The following RABGAP1L variants were observed in gnomAD, a reference collection of about 807,000 sequenced individuals.
RABGAP1L encodes the protein RAB GTPase activating protein 1 like.
Under a neutral mutation model 137.7 loss-of-function variants are expected in RABGAP1L, and 63 were observed. That is an observed-to-expected ratio of 0.46 (90% CI 0.37 to 0.56). The LOEUF is 0.56. RABGAP1L is among the 20% of genes least tolerant of loss of function. The pLI is 0.00. For missense variants in RABGAP1L, 1,095 were observed against 1,244.0 expected, an observed-to-expected ratio of 0.88 and a Z score of 1.80; for synonymous variants, 431 against 433.7, an observed-to-expected ratio of 0.99 and a Z score of 0.08.
chr1:174,574,591 G>A (rs1236350677), intron 13 of RABGAP1L, among the ~76,000 whole-genome samples: 1 of 152,098 alleles, frequency 6.6e-6, no homozygotes, highest in African/African-American at 2.4e-5. Flanking sequence ...AATTGTACAA[G>A]TTTTGTTTTT....
chr1:174,749,071 G>A (rs1284088832), intron 17 of RABGAP1L, among the ~76,000 whole-genome samples: 1 of 151,778 alleles, frequency 6.6e-6, no homozygotes, highest in East Asian at 2.0e-4. Context: ...AGCTACATGG[G>A]AGGCTGAGGC....
rs1558302016 is a variant in RABGAP1L at position 174,978,796 on chromosome 1, A to G, written c.2650-11A>G. 10 of 1,526,670 alleles carry G rather than the reference A, an allele frequency of 6.6e-6. No individual in the cohort carries two copies. Among genetic ancestry groups the G allele is most frequent in the Non-Finnish European group, 7.9e-6 (9 of 1,140,482 alleles). 94.6% of individuals were successfully genotyped at this position (1,526,670 alleles called of 1,614,324 possible). A position where few individuals can be genotyped will look rare whatever the true frequency, so the allele number is the denominator to read the frequency against. The stretch of plus-strand genomic sequence containing the variant: ...GCTAAATCCTGATATTTCTCATTCT[A>G]TTCTTTCTAGCTAAAAGAAGTCTTC... On this transcript the variant is annotated splice_polypyrimidine_tract_variant and intron_variant, in intron 22 of 25. Transcript: ENST00000681986.
At chr1:174,231,064 T>C (rs1670606128) in intron 3 of RABGAP1L, 81 bp from the exon 4 acceptor site, 4 of 998,864 alleles carry the variant, frequency 4.0e-6, no homozygotes, top group Non-Finnish European at 5.9e-6. Flanking sequence ...AATATTTCAT[T>C]TCTTTTTGGG....
chr1:174,529,669 GC>G (rs773844528), intron 13 of RABGAP1L, among the ~76,000 whole-genome samples: 6 of 152,116 alleles, frequency 3.9e-5, no homozygotes, highest in Non-Finnish European at 8.8e-5. Flanking sequence ...CAGCAAGTGG[GC>G]AGGTTCTTAG....
chr1:174,373,677 G>A (rs1329406477), intron 12 of RABGAP1L, among the ~76,000 whole-genome samples: 3 of 152,314 alleles, frequency 2.0e-5, no homozygotes, highest in Admixed American at 1.3e-4. Context: ...AGCCTGGCTA[G>A]TATTAGTATT....
At chr1:174,208,098 G>A (rs1004048500) in intron 1 of RABGAP1L, among the ~76,000 whole-genome samples, 48 of 152,008 alleles carry the variant, frequency 3.2e-4, no homozygotes, top group Non-Finnish European at 8.8e-5. Context: ...TGCATATTTT[G>A]TTAGATTTAT....
At chr1:174,264,651 T>C (rs1673896272) in intron 7 of RABGAP1L, among the ~76,000 whole-genome samples, 1 of 152,272 alleles carries the variant, frequency 6.6e-6, no homozygotes, top group Admixed American at 6.5e-5. Context: ...TTTCCAATTA[T>C]TGTAGATGAA....
chr1:174,389,856 T>C lies in RABGAP1L; in HGVS notation c.1560-4139T>C, dbSNP rs1316696139. ...CCAATTACTGTATGATTAATAGATA[T>C]TTGATTTATGTATGACTTTAAAAAT... On this transcript the variant is annotated intron_variant, in intron 12 of 25. Coordinates refer to ENST00000681986, the MANE Select transcript of RABGAP1L (RefSeq NM_001366446.1). 2.0e-5 allele frequency among the ~76,000 whole-genome samples: 3 copies of C among 152,246 alleles called. No individual in the cohort carries two copies. The East Asian group carries it at 5.8e-4, about 29-fold the overall frequency.
At chr1:174,767,339 T>TC (rs1685752136) in intron 18 of RABGAP1L, among the ~76,000 whole-genome samples, 1 of 152,192 alleles carries the variant, frequency 6.6e-6, no homozygotes, top group African/African-American at 2.4e-5. Flanking sequence ...TTTTTTCACA[T>TC]TTATTTAGGT....
chr1:174,764,960 T>C (rs1031159948), intron 18 of RABGAP1L, among the ~76,000 whole-genome samples: 4 of 152,224 alleles, frequency 2.6e-5, no homozygotes, highest in African/African-American at 9.6e-5. Context: ...TTTTCCTCCC[T>C]TGGGGATGTG....
At chr1:174,252,006 C>T (rs1026147875) in intron 6 of RABGAP1L, among the ~76,000 whole-genome samples, 8 of 151,780 alleles carry the variant, frequency 5.3e-5, no homozygotes, top group South Asian at 2.1e-4. Flanking sequence ...AACCAATTCT[C>T]CTGCCTCAGC....
In RABGAP1L at chr1:174,448,606, C is replaced by G; in HGVS notation, c.1710+54461C>G. 1 of 1,613,968 alleles carries G rather than the reference C, an allele frequency of 6.2e-7. No individual in the cohort carries two copies. The highest frequency in any genetic ancestry group is 8.5e-7 in the Non-Finnish European group (1 of 1,179,854). On this transcript the variant is annotated intron_variant, in intron 13 of 25. Coordinates refer to ENST00000681986, the MANE Select transcript of RABGAP1L (RefSeq NM_001366446.1). The surrounding 1 kb of genome is among the most constrained non-coding windows in gnomAD (Gnocchi z 4.2). ...GCTTGAGAATTTGCATTATTTTGAT[C>G]TGGATCTACTCCTGCCTAATTTTCT...
chr1:174,645,311 A>G (rs568711931), intron 14 of RABGAP1L, among the ~76,000 whole-genome samples: 1 of 151,978 alleles, frequency 6.6e-6, no homozygotes, highest in Non-Finnish European at 1.5e-5. Flanking sequence ...ATAGGTATAG[A>G]TGTGCCATGG....
chr1:174,603,738 T>A (rs1224588495), intron 13 of RABGAP1L, among the ~76,000 whole-genome samples: 1 of 151,910 alleles, frequency 6.6e-6, no homozygotes, highest in East Asian at 1.9e-4. Context: ...TTACAACTGA[T>A]GTTTATTCAA....
chr1:174,610,456 T>A (rs902011938), intron 13 of RABGAP1L, among the ~76,000 whole-genome samples: 1 of 152,006 alleles, frequency 6.6e-6, no homozygotes, highest in Admixed American at 6.6e-5. Context: ...AGTCTATCAT[T>A]GTTGGACATT....
At chr1:174,453,885 T>C (rs991381310) in intron 13 of RABGAP1L, among the ~76,000 whole-genome samples, 1 of 152,236 alleles carries the variant, frequency 6.6e-6, no homozygotes, top group African/African-American at 2.4e-5. Flanking sequence ...TTAAGGTTTT[T>C]CTTCATGACT....
chr1:174,786,530 T>C (rs1687457279), intron 18 of RABGAP1L, among the ~76,000 whole-genome samples: 1 of 152,206 alleles, frequency 6.6e-6, no homozygotes, highest in South Asian at 2.1e-4. Flanking sequence ...ACTGATTCAC[T>C]TCCAGAGAAC....
intron 13 of RABGAP1L, among the ~76,000 whole-genome samples, chr1:174,578,638 C>CTT (rs1392702274): frequency 6.6e-6 from 1 of 151,854 alleles, no homozygotes; most frequent in Non-Finnish European, 1.5e-5. Flanking sequence ...TTAATTTTAA[C>CTT]AAAATATAAA....
chr1:174,318,588 CTTT>C (rs1679629179), intron 11 of RABGAP1L, among the ~76,000 whole-genome samples: 1 of 126,388 alleles, frequency 7.9e-6, no homozygotes, highest in Non-Finnish European at 1.6e-5. Flanking sequence ...TGTTTTCTTT[CTTT>C]CTTTCTTTCT....
Sources: allele counts gnomAD v4.1 joint callset (sites outside exome capture counted in the v4.1 genomes callset), GRCh38; gene constraint gnomAD v4.1.1; non-coding constraint Gnocchi (gnomAD v3.1); transcripts MANE v1.5; gene names NCBI Gene and HGNC (gene_info 2026-07-23, HGNC 2026-07-21).